Variants in MAGI2 observed in about 807,000 individuals in gnomAD.
MAGI2 encodes membrane-associated guanylate kinase, WW and PDZ domain-containing protein 2.
In MAGI2, 35 loss-of-function variants were observed where a neutral mutation model predicts 133.3. The ratio of observed to expected loss-of-function variants is 0.26; its 90% CI spans 0.20 to 0.35. MAGI2 has a LOEUF of 0.35. Ranked by LOEUF, MAGI2 falls within the 10% of genes least tolerant of loss-of-function variation. The pLI is 1.00. For missense variants in MAGI2, 1,636 were observed against 1,863.4 expected, an observed-to-expected ratio of 0.88 and a Z score of 2.25; for synonymous variants, 729 against 710.6, an observed-to-expected ratio of 1.03 and a Z score of -0.41.
intron 3 of MAGI2, among the ~76,000 whole-genome samples, chr7:78,586,235 A>C (rs1284657300): frequency 6.6e-6 from 1 of 152,202 alleles, no homozygotes; most frequent in Non-Finnish European, 1.5e-5. Flanking sequence ...TGGATAACTG[A>C]AGAACTCTAT....
At chr7:78,979,602 C>G (rs1804607694) in intron 2 of MAGI2, among the ~76,000 whole-genome samples, 1 of 151,836 alleles carries the variant, frequency 6.6e-6, no homozygotes, top group African/African-American at 2.4e-5. Flanking sequence ...CTCTATCCTA[C>G]AAAGCCTTTC....
intron 1 of MAGI2, among the ~76,000 whole-genome samples, chr7:79,196,948 A>G (rs532220731): frequency 2.0e-5 from 3 of 151,490 alleles, no homozygotes; most frequent in Non-Finnish European, 2.9e-5. Flanking sequence ...TTGATTTTTT[A>G]TATATATAGA....
At chr7:78,904,170 A>C (rs1451964457) in intron 2 of MAGI2, 1 of 152,210 alleles carries the variant, frequency 6.6e-6, no homozygotes, top group Non-Finnish European at 1.5e-5. Flanking sequence ...AGAAAGATAA[A>C]ATTCATGCAT....
chr7:78,952,311 C>T (rs899913502), intron 2 of MAGI2, among the ~76,000 whole-genome samples: 1 of 152,082 alleles, frequency 6.6e-6, no homozygotes, highest in Non-Finnish European at 1.5e-5. Flanking sequence ...TCATATTACA[C>T]TAGGAGAAAC....
chr7:79,297,493 A>G (rs1837029954), intron 1 of MAGI2, among the ~76,000 whole-genome samples: 1 of 152,100 alleles, frequency 6.6e-6, no homozygotes. Flanking sequence ...TTAAATTTTA[A>G]TTTATTCTAA....
intron 2 of MAGI2, among the ~76,000 whole-genome samples, chr7:78,948,536 A>G (rs1348732181): frequency 2.0e-5 from 3 of 152,130 alleles, no homozygotes; most frequent in Admixed American, 1.3e-4. Context: ...AAGTAGCCAC[A>G]TCTTGTAGAC....
At position 78,665,947 on chromosome 7, in the gene MAGI2, G is replaced by A. The variant is rs76706560; in HGVS notation, c.419-38708C>T. 1.9e-3 allele frequency among the ~76,000 whole-genome samples: 284 copies of A among 152,210 alleles called. 4 individuals are homozygous for A. The highest frequency in any genetic ancestry group is 6.7e-3 in the African/African-American group (278 of 41,558). On this transcript the variant is annotated intron_variant, in intron 2 of 21. Transcript: ENST00000354212. ...ACTGACAATTAACCAGGTAGTTATA[G>A]TAGGGTGATGTCAAGCTTAGTGGGA...
At chr7:78,769,639 G>A (rs936983806) in intron 2 of MAGI2, among the ~76,000 whole-genome samples, 2 of 152,138 alleles carry the variant, frequency 1.3e-5, no homozygotes, top group Non-Finnish European at 2.9e-5. Context: ...TCTCCCTCAG[G>A]ACGAGACAGA....
intron 1 of MAGI2, among the ~76,000 whole-genome samples, chr7:79,130,393 T>C (rs965355294): frequency 6.6e-6 from 1 of 152,216 alleles, no homozygotes; most frequent in Non-Finnish European, 1.5e-5. Context: ...TAATTAACCA[T>C]ATTTTCTAAG....
intron 3 of MAGI2, among the ~76,000 whole-genome samples, chr7:78,570,088 G>T (rs1801352044): frequency 6.6e-6 from 1 of 152,140 alleles, no homozygotes; most frequent in Non-Finnish European, 1.5e-5. Flanking sequence ...AGACAGAGTT[G>T]CTATACCCAC....
chr7:78,127,171 C>G, intron 19 of MAGI2, 26 bp downstream of exon 19: 2 of 1,524,380 alleles, frequency 1.3e-6, no homozygotes, highest in South Asian at 1.3e-5. Flanking sequence ...TGGTCAGGAC[C>G]CACCCTGCTC....
At chr7:78,446,038 G>C (rs1788097961) in intron 6 of MAGI2, among the ~76,000 whole-genome samples, 1 of 66,144 alleles carries the variant, frequency 1.5e-5, no homozygotes, top group Non-Finnish European at 4.3e-5. Flanking sequence ...TTTCTATTTT[G>C]TGTTTCTTTT....
At chr7:78,444,882 T>G (rs11767536) in intron 6 of MAGI2, among the ~76,000 whole-genome samples, 66,735 of 146,578 alleles carry the variant, frequency 0.46, 18,539 homozygotes, top group Non-Finnish European at 0.62. Flanking sequence ...TATATTTATA[T>G]GTATACATAT....
At chr7:78,300,889 C>T (rs1227402680) in intron 9 of MAGI2, among the ~76,000 whole-genome samples, 3 of 152,176 alleles carry the variant, frequency 2.0e-5, no homozygotes, top group East Asian at 3.8e-4. Context: ...TTCACCTGAT[C>T]TCAATTGGGA....
Position 79,349,297 on chromosome 7 carries a change from T to A in MAGI2, c.301+103723A>T, listed in dbSNP as rs546939306. Among the ~76,000 whole-genome samples, 12 of 152,052 alleles carry A rather than the reference T, an allele frequency of 7.9e-5. No homozygotes were observed. The East Asian group carries it at 2.1e-3, about 27-fold the overall frequency. On this transcript the variant is annotated intron_variant, in intron 1 of 21. Coordinates refer to ENST00000354212, the MANE Select transcript of MAGI2 (RefSeq NM_012301.4). ...GCATTAGCATTCATTATCTTGCAAATGTTGTTTTTGCTTTCAAGTATAACA... is the reference window on the plus strand; with the variant it reads ...GCATTAGCATTCATTATCTTGCAAAAGTTGTTTTTGCTTTCAAGTATAACA...
intron 6 of MAGI2, among the ~76,000 whole-genome samples, chr7:78,396,199 G>A (rs567706804): frequency 8.5e-5 from 13 of 152,156 alleles, no homozygotes; most frequent in South Asian, 2.1e-4. Context: ...AAAGCAAAGC[G>A]ATTGTAAATA....
At chr7:78,658,663 G>T (rs1812571614) in intron 2 of MAGI2, among the ~76,000 whole-genome samples, 1 of 152,162 alleles carries the variant, frequency 6.6e-6, no homozygotes. Context: ...ACGGGCAAAT[G>T]ACAGCAAGAG....
intron 2 of MAGI2, among the ~76,000 whole-genome samples, chr7:78,689,478 C>T (rs371196514): frequency 6.6e-6 from 1 of 152,080 alleles, no homozygotes; most frequent in Non-Finnish European, 1.5e-5. Context: ...CAAATACATA[C>T]ATCTATGTAA....
At chr7:78,574,168 C>A (rs896894207) in intron 3 of MAGI2, among the ~76,000 whole-genome samples, 6 of 152,148 alleles carry the variant, frequency 3.9e-5, no homozygotes, top group Admixed American at 1.3e-4. Flanking sequence ...GGTTTTACCC[C>A]ACCTTCAGCA....
Sources: gnomAD v4.1 joint callset for allele counts (sites outside exome capture counted in the v4.1 genomes callset) on GRCh38, gnomAD v4.1.1 for gene constraint, MANE v1.5 for transcripts, NCBI Gene and HGNC (gene_info 2026-07-23, HGNC 2026-07-21) for gene names.